The following ZDHHC14 variants were observed in gnomAD, a reference collection of about 807,000 sequenced individuals.
ZDHHC14 encodes palmitoyltransferase ZDHHC14.
In ZDHHC14, 16 loss-of-function variants were observed where a neutral mutation model predicts 47.7. The ratio of observed to expected loss-of-function variants is 0.34; its 90% CI spans 0.23 to 0.51. ZDHHC14 has a LOEUF of 0.51. Ranked by LOEUF, ZDHHC14 falls within the 20% of genes least tolerant of loss-of-function variation. ZDHHC14 has a pLI of 0.97. For synonymous variants in ZDHHC14, 293 were observed against 278.9 expected (o/e 1.05, Z -0.50); for missense variants, 515 against 662.5 (o/e 0.78, Z 2.44).
intron 3 of ZDHHC14, among the ~76,000 whole-genome samples, chr6:157,618,675 T>C (rs1785063979): frequency 6.6e-6 from 1 of 152,138 alleles, no homozygotes. Context: ...TCCTAGATTC[T>C]AGGAAGCTCA....
chr6:157,469,847 C>T (rs1779313268), intron 1 of ZDHHC14, among the ~76,000 whole-genome samples: 1 of 152,256 alleles, frequency 6.6e-6, no homozygotes, highest in African/African-American at 2.4e-5. Flanking sequence ...GCAAACTGCT[C>T]TCATGTCCAT....
chr6:157,498,355 A>C (rs1270413387), intron 1 of ZDHHC14, among the ~76,000 whole-genome samples: 5 of 152,056 alleles, frequency 3.3e-5, no homozygotes, highest in African/African-American at 1.2e-4. Flanking sequence ...CAGTGGATAT[A>C]ATTTTGACAT....
chr6:157,568,150 T>C (rs1782975330), intron 2 of ZDHHC14, among the ~76,000 whole-genome samples: 1 of 152,234 alleles, frequency 6.6e-6, no homozygotes, highest in African/African-American at 2.4e-5. Flanking sequence ...GACATCTAAA[T>C]TTATGAATTG....
chr6:157,432,428 C>G (rs1008782576), intron 1 of ZDHHC14, among the ~76,000 whole-genome samples: 5 of 152,114 alleles, frequency 3.3e-5, no homozygotes, highest in Non-Finnish European at 4.4e-5. Context: ...AGGGAGCTTA[C>G]TAGCAGGTGT....
intron 3 of ZDHHC14, among the ~76,000 whole-genome samples, chr6:157,599,670 A>C (rs1462937825): frequency 1.3e-5 from 2 of 152,222 alleles, no homozygotes; most frequent in Non-Finnish European, 2.9e-5. Context: ...ATAAATGAAC[A>C]AAGCATCCAT....
At position 157,460,405 on chromosome 6, in the gene ZDHHC14, GAAAAAAAAAAA is replaced by G. The variant is rs1164382844; in HGVS notation, c.245+78159_245+78169del. 4.7e-3 allele frequency among the ~76,000 whole-genome samples: 203 copies of G among 43,380 alleles called. 5 individuals carry two copies. The South Asian group carries it at 0.057, about 12-fold the overall frequency. The allele number at this position is 43,380 out of a possible 152,430, so 28.5% of individuals were successfully genotyped here. A position where few individuals can be genotyped will look rare whatever the true frequency, so the allele number is the denominator to read the frequency against. The stretch of plus-strand genomic sequence containing the variant: ...CAGAGCCAGACTCACTCTCTCTCTG[GAAAAAAAAAAA>G]AAAAAAAAAAAAAAAAAAAGAGTCA... On this transcript the variant is annotated intron_variant, in intron 1 of 8. Coordinates refer to ENST00000359775, the MANE Select transcript of ZDHHC14 (RefSeq NM_024630.3).
chr6:157,577,337 G>A (rs1372207829), intron 2 of ZDHHC14, among the ~76,000 whole-genome samples: 1 of 152,154 alleles, frequency 6.6e-6, no homozygotes, highest in South Asian at 2.1e-4. Context: ...ATGTGCATGT[G>A]TCCTTATGGT....
rs897722634 is a variant in ZDHHC14 at position 157,492,544 on chromosome 6, G to A, written c.246-50041G>A. 2.6e-5 allele frequency among the ~76,000 whole-genome samples: 4 copies of A among 152,320 alleles called. No individual in the cohort carries two copies. In the East Asian group the frequency reaches 7.7e-4, roughly 29 times the overall value. On this transcript the variant is annotated intron_variant, in intron 1 of 8. Coordinates refer to ENST00000359775, the MANE Select transcript of ZDHHC14 (RefSeq NM_024630.3). ...GGGGCAGACTCCTGCTCTTTTGTGC[G>A]CCAGGCATTAGACACAGAAGAGGAG...
At chr6:157,611,094 G>A (rs1260036899) in intron 3 of ZDHHC14, among the ~76,000 whole-genome samples, 2 of 152,186 alleles carry the variant, frequency 1.3e-5, no homozygotes, top group East Asian at 3.8e-4. Context: ...CACCTCCCGG[G>A]TTCAAGCCAT....
At chr6:157,588,581 G>A (rs1338897720) in intron 2 of ZDHHC14, among the ~76,000 whole-genome samples, 1 of 152,224 alleles carries the variant, frequency 6.6e-6, no homozygotes, top group Admixed American at 6.5e-5. Flanking sequence ...CTGCTTGGGG[G>A]CAGAATGGCA....
chr6:157,446,505 GTTCAAGCGA>G, intron 1 of ZDHHC14, among the ~76,000 whole-genome samples: 1 of 152,180 alleles, frequency 6.6e-6, no homozygotes, highest in Non-Finnish European at 1.5e-5. Context: ...TGCCTCCCAG[GTTCAAGCGA>G]TTCTCCTGCC....
In ZDHHC14 at chr6:157,522,920, C is replaced by CCTTT. The variant is rs781533305; in HGVS notation, c.246-19643_246-19640dup. Among the ~76,000 whole-genome samples, 86 of 32,046 alleles carry CCTTT rather than the reference C, an allele frequency of 2.7e-3. 4 individuals are homozygous for CCTTT. The highest frequency in any genetic ancestry group is 6.8e-3 in the Admixed American group (20 of 2,936). The allele number at this position is 32,046 out of a possible 152,430, so 21.0% of individuals were successfully genotyped here. A position where few individuals can be genotyped will look rare whatever the true frequency, so the allele number is the denominator to read the frequency against. On this transcript the variant is annotated intron_variant, in intron 1 of 8. Transcript: ENST00000359775. ...TCCTTCCTTCCTTCCTTCCTTCCTT[C>CCTTT]CTTTCTTTCTTTCTTTCTTTCTTTC...
chr6:157,423,223 A>C (rs968434720), intron 1 of ZDHHC14, among the ~76,000 whole-genome samples: 2 of 152,186 alleles, frequency 1.3e-5, no homozygotes, highest in African/African-American at 4.8e-5. Flanking sequence ...TCCCACCTCA[A>C]AAATGGGATG....
At chr6:157,641,018 T>C (rs1479562079) in intron 5 of ZDHHC14, among the ~76,000 whole-genome samples, 1 of 152,240 alleles carries the variant, frequency 6.6e-6, no homozygotes, top group African/African-American at 2.4e-5. Flanking sequence ...CTCTTTTTTT[T>C]GCATGGTTCC....
At chr6:157,504,561 C>A (rs1227111743) in intron 1 of ZDHHC14, among the ~76,000 whole-genome samples, 1 of 150,638 alleles carries the variant, frequency 6.6e-6, no homozygotes, top group Non-Finnish European at 1.5e-5. Flanking sequence ...CAAGCACCCA[C>A]CACCACACCT....
intron 2 of ZDHHC14, among the ~76,000 whole-genome samples, chr6:157,570,980 T>C (rs902901584): frequency 6.6e-6 from 1 of 152,224 alleles, no homozygotes; most frequent in Non-Finnish European, 1.5e-5. Flanking sequence ...GAGATTGTCA[T>C]GGTTTAAAAA....
At chr6:157,597,510 A>G (rs1438216862) in intron 3 of ZDHHC14, among the ~76,000 whole-genome samples, 4 of 152,362 alleles carry the variant, frequency 2.6e-5, no homozygotes, top group African/African-American at 7.2e-5. Context: ...ACAAACTAAT[A>G]AGAAAGTTTG....
chr6:157,652,735 C>T (rs1021236465), intron 7 of ZDHHC14, among the ~76,000 whole-genome samples: 3 of 152,204 alleles, frequency 2.0e-5, no homozygotes, highest in Non-Finnish European at 4.4e-5. Flanking sequence ...GATATTGAGA[C>T]GGCCTGCCGG....
rs939147932 is a variant in ZDHHC14 at position 157,463,205 on chromosome 6, A to G, written c.246-79380A>G. ...AATGAAGACCTGAGAACATAAGAAA[A>G]TAGAAATGTCACAGCCTGTTGTTTC... On this transcript the variant is annotated intron_variant, in intron 1 of 8. Transcript: ENST00000359775. This position sits in a 1 kb window ranked among gnomAD's most constrained non-coding sequence, Gnocchi z 4.4. Among the ~76,000 whole-genome samples the G allele has an allele frequency of 2.6e-5, 4 of 152,214 alleles. No individual in the cohort carries two copies. The highest frequency in any genetic ancestry group is 4.8e-5 in the African/African-American group (2 of 41,456).
Sources: gnomAD v4.1 joint callset for allele counts (sites outside exome capture counted in the v4.1 genomes callset) on GRCh38, gnomAD v4.1.1 for gene constraint, Gnocchi (gnomAD v3.1) non-coding constraint, MANE v1.5 for transcripts, NCBI Gene and HGNC (gene_info 2026-07-23, HGNC 2026-07-21) for gene names.